ADGRG4: variants seen among roughly 807,000 people sequenced by gnomAD.
ADGRG4 encodes the protein adhesion G protein-coupled receptor G4.
Under a neutral mutation model 126.2 loss-of-function variants are expected in ADGRG4, and 122 were observed. The ratio of observed to expected loss-of-function variants is 0.97; its 90% CI spans 0.83 to 1.12. The LOEUF is 1.12. ADGRG4 is among the 50% of genes most tolerant of loss of function. The pLI is 0.00. For synonymous variants in ADGRG4, 943 were observed against 838.7 expected (o/e 1.12, Z -2.15); for missense variants, 2,481 against 2,251.8 (o/e 1.10, Z -2.06).
At chrX:136,410,958 T>A (rs909090457) in intron 23 of ADGRG4, among the ~76,000 whole-genome samples, 3 of 112,355 alleles carry the variant, frequency 2.7e-5, no homozygotes, top group Non-Finnish European at 5.6e-5. Context: ...CTTTTTGTAA[T>A]GGAACATAAA....
chrX:136,346,709 T>C lies in ADGRG4; in HGVS notation c.3003T>C (p.Ala1001=). ...SDGILPPQPT[A]AHSSATPVPV... ...GTATCTTACCTCCACAGCCTACAGC[T>C]GCTCATTCCTCAGCAACCCCTGTGC... is the stretch of plus-strand genomic sequence containing the variant. The change falls in exon 6 of 26, where the codon GCT becomes GCC. Residue 1001 remains alanine, a synonymous_variant. Transcript: ENST00000394143. 1 of 1,210,479 alleles carries C rather than the reference T, an allele frequency of 8.3e-7. No homozygotes were observed. The highest frequency in any genetic ancestry group is 1.1e-6 in the Non-Finnish European group (1 of 894,585).
In ADGRG4 at chrX:136,403,319, C is replaced by A; in HGVS notation, c.8651C>A (p.Pro2884Gln). Residue 2884 changes from proline (P) to glutamine (Q), a missense_variant, in exon 22 of 26, where the codon CCG becomes CAG. Coordinates refer to ENST00000394143, the MANE Select transcript of ADGRG4 (RefSeq NM_153834.4). ...TATGGAACTCTGAGCCCAACAACTC[C>A]GTTGTAAGTACCAGCATCTCTGTTT... ...DLYGTLSPTT[P>Q]FCWIKDDSIF... The A allele has an allele frequency of 1.7e-6, 2 of 1,187,811 alleles. No homozygotes were observed. The highest frequency in any genetic ancestry group is 1.1e-6 in the Non-Finnish European group (1 of 874,037).
chrX:136,384,347 CCT>C (rs1328382725), intron 15 of ADGRG4, among the ~76,000 whole-genome samples: 12 of 111,548 alleles, frequency 1.1e-4, no homozygotes, highest in African/African-American at 2.3e-4. Context: ...ATTTATACCC[CCT>C]GTTTTTTATG....
At chrX:136,396,555 A>C (rs2075349111) in intron 19 of ADGRG4, among the ~76,000 whole-genome samples, 1 of 97,393 alleles carries the variant, frequency 1.0e-5, no homozygotes, top group African/African-American at 3.8e-5. Context: ...TGGTCAGGCC[A>C]CTGCACTCCA....
intron 5 of ADGRG4, among the ~76,000 whole-genome samples, chrX:136,334,132 C>CTTTCTT (rs1174012823): frequency 5.5e-5 from 4 of 72,151 alleles, no homozygotes; most frequent in African/African-American, 2.1e-4. Flanking sequence ...TTCTTTCTTT[C>CTTTCTT]TTTCTTTTTC....
At chrX:136,366,866 T>C (rs898021692) in intron 13 of ADGRG4, among the ~76,000 whole-genome samples, 1 of 97,892 alleles carries the variant, frequency 1.0e-5, no homozygotes, top group African/African-American at 3.8e-5. Flanking sequence ...GCTGAATGTT[T>C]GTGTGCCCCA....
At chrX:136,352,884 T>C (rs2075071284) in intron 7 of ADGRG4, among the ~76,000 whole-genome samples, 1 of 112,206 alleles carries the variant, frequency 8.9e-6, no homozygotes, top group Non-Finnish European at 1.9e-5. Context: ...TTCTGGAATC[T>C]GGAAGTCTAA....
Position 136,345,395 on chromosome X carries a change from T to C in ADGRG4, c.1689T>C (p.Phe563=). ...SSKTFSFLTS[F]SFTGTESVQT... is the part of the protein sequence containing the mutation. ...AGACCTTTTCTTTCTTAACATCCTTTTCATTTACTGGGACTGAGAGTGTAC... is the reference window on the plus strand; with the variant it reads ...AGACCTTTTCTTTCTTAACATCCTTCTCATTTACTGGGACTGAGAGTGTAC... Residue 563 remains phenylalanine (F), a synonymous_variant, in exon 6 of 26, where the codon TTT becomes TTC. Transcript: ENST00000394143. 1 of 1,210,151 alleles carries C rather than the reference T, an allele frequency of 8.3e-7. No individual in the cohort carries two copies. The highest frequency in any genetic ancestry group is 1.1e-6 in the Non-Finnish European group (1 of 894,246).
chrX:136,302,267 G>T (rs756284026), intron 1 of ADGRG4, among the ~76,000 whole-genome samples: 3 of 111,449 alleles, frequency 2.7e-5, no homozygotes, highest in Non-Finnish European at 5.6e-5. Flanking sequence ...ACTGAGCAAT[G>T]GTTTGTGGTT....
chrX:136,371,531 G>A lies in ADGRG4; in HGVS notation c.7600G>A (p.Glu2534Lys). The change falls in exon 14 of 26, where the codon GAA becomes AAA. Residue 2534 changes from glutamate (E) to lysine (K), a missense_variant. Coordinates refer to ENST00000394143, the MANE Select transcript of ADGRG4 (RefSeq NM_153834.4). ...AAACAATTCCGCCTCTGATCTGCAT[G>A]AAATAAGCAATGAGTAAGTACTAAT... ...KQNNSASDLH[E>K]ISNEILRIIE... is the part of the protein sequence containing the mutation. 1 of 1,159,612 alleles carries A rather than the reference G, an allele frequency of 8.6e-7. No homozygotes were observed. The highest frequency in any genetic ancestry group is 1.2e-6 in the Non-Finnish European group (1 of 863,118).
intron 5 of ADGRG4, among the ~76,000 whole-genome samples, chrX:136,338,499 T>A (rs1402212878): frequency 8.9e-6 from 1 of 111,901 alleles, no homozygotes; most frequent in Non-Finnish European, 1.9e-5. Context: ...ATTTGCAGAT[T>A]TGTTACCTAG....
In ADGRG4 at chrX:136,322,945, A is replaced by C; in HGVS notation, c.238A>C (p.Asn80His). Residue 80 changes from asparagine to histidine, a missense_variant, in exon 5 of 26, where the codon AAC becomes CAC. By Grantham distance (68) the Asn-to-His change is moderately conservative (BLOSUM62 1). Coordinates refer to ENST00000394143, the MANE Select transcript of ADGRG4 (RefSeq NM_153834.4). ...YWMAFSYITN[N>H]ALLGREDIDL... ...GATGGCCTTCTCTTATATTACTAAT[A>C]ACGCCCTCCTGGGCAGAGAAGACAT... 1 of 1,210,757 alleles carries C rather than the reference A, an allele frequency of 8.3e-7. No homozygotes were observed. The highest frequency in any genetic ancestry group is 1.1e-6 in the Non-Finnish European group (1 of 894,458).
chrX:136,302,544 A>G (rs372633911), intron 1 of ADGRG4, among the ~76,000 whole-genome samples: 45 of 112,132 alleles, frequency 4.0e-4, no homozygotes, highest in African/African-American at 1.4e-3. Context: ...CATTAAATGC[A>G]GAATCTTTGC....
At chrX:136,395,581 G>A (rs2075342919) in intron 19 of ADGRG4, 88 bp downstream of exon 19, 3 of 463,777 alleles carry the variant, frequency 6.5e-6, no homozygotes, top group Non-Finnish European at 1.1e-5. Flanking sequence ...TTAAAAAATG[G>A]TATGCATTTG....
intron 12 of ADGRG4, among the ~76,000 whole-genome samples, chrX:136,361,798 T>A (rs1433891904): frequency 9.0e-6 from 1 of 111,725 alleles, no homozygotes; most frequent in East Asian, 2.8e-4. Context: ...TTACCCATCA[T>A]CCCAGAAGAA....
intron 4 of ADGRG4, among the ~76,000 whole-genome samples, chrX:136,311,394 TACACAC>T (rs72201867): frequency 3.9e-4 from 37 of 95,631 alleles, no homozygotes; most frequent in African/African-American, 1.3e-3. Context: ...TCATACCATG[TACACAC>T]ACACACACAC....
intron 16 of ADGRG4, among the ~76,000 whole-genome samples, chrX:136,389,340 A>G (rs1417642802): frequency 8.9e-6 from 1 of 112,420 alleles, no homozygotes; most frequent in Non-Finnish European, 1.9e-5. Flanking sequence ...TTGAGATGCC[A>G]TTATTTTGGT....
intron 14 of ADGRG4, among the ~76,000 whole-genome samples, chrX:136,371,955 ACAT>A (rs1239362141): frequency 9.0e-6 from 1 of 111,728 alleles, no homozygotes; most frequent in Non-Finnish European, 1.9e-5. Context: ...TGGCATATAG[ACAT>A]CATAAATTTT....
rs143774644 is a variant in ADGRG4 at position 136,313,843 on chromosome X, G to A, written c.70+4996G>A. Among the ~76,000 whole-genome samples, 8 of 111,415 alleles carry A rather than the reference G, an allele frequency of 7.2e-5. No individual in the cohort carries two copies. The East Asian group carries it at 8.5e-4, about 12-fold the overall frequency. On this transcript the variant is annotated intron_variant, in intron 4 of 25. Transcript: ENST00000394143. ...CTTTTGAGTTGGTCTATCAAGGTAG[G>A]GCTTATGGGAGCTGTTAGCATCACA...
Sources: gnomAD v4.1 joint callset for allele counts (sites outside exome capture counted in the v4.1 genomes callset) on GRCh38, gnomAD v4.1.1 for gene constraint, MANE v1.5 for transcripts, NCBI Gene and HGNC (gene_info 2026-07-23, HGNC 2026-07-21) for gene names.